The following HS6ST3 variants were observed in gnomAD, a reference collection of about 807,000 sequenced individuals.
HS6ST3 encodes heparan sulfate 6-O-sulfotransferase 3, also known as heparan-sulfate 6-O-sulfotransferase 3.
A neutral mutation model predicts 36.7 loss-of-function variants in HS6ST3; 12 were observed. The ratio of observed to expected loss-of-function variants is 0.33; its 90% CI spans 0.21 to 0.53. The LOEUF is 0.53. Among genes scored for constraint, HS6ST3 ranks in the 20% least tolerant of loss-of-function variants. The pLI is 0.95. For missense variants in HS6ST3, 584 were observed against 640.9 expected (o/e 0.91, Z 0.96); for synonymous variants, 240 against 257.5 (o/e 0.93, Z 0.65).
At chr13:96,565,406 C>T (rs547292605) in intron 1 of HS6ST3, among the ~76,000 whole-genome samples, 76 of 152,200 alleles carry the variant, frequency 5.0e-4, no homozygotes, top group African/African-American at 1.8e-3. Context: ...AAGAACAGGA[C>T]AGGTATCCCA....
At chr13:96,760,142 T>A (rs190029061) in intron 1 of HS6ST3, among the ~76,000 whole-genome samples, 2 of 152,164 alleles carry the variant, frequency 1.3e-5, no homozygotes, top group Admixed American at 1.3e-4. Flanking sequence ...AGGAAAATTC[T>A]CTATCTTCTT....
rs531859592 is a variant in HS6ST3 at position 96,837,561 on chromosome 13, G to A, written c.*4363G>A. ...AGAATATGAAATGTAAATCTTTATT[G>A]ATTTATATCCTTCCTTACCTTTTTT... On this transcript the variant is annotated 3_prime_UTR_variant, in exon 2 of 2. Transcript: ENST00000376705. 2.0e-5 allele frequency: 3 copies of A among 152,166 alleles called. No individual in the cohort carries two copies. Among genetic ancestry groups the A allele is most frequent in the Non-Finnish European group, 4.4e-5 (3 of 68,036 alleles). 9.4% of individuals were successfully genotyped at this position (152,166 alleles called of 1,614,324 possible).
chr13:96,668,567 A>C lies in HS6ST3; in HGVS notation c.708-163923A>C, dbSNP rs576805144. ...TACTGTCGCTGCTACATTCTATCCC[A>C]TTCCTGGCAAAATCTTATTGGAGAC... On this transcript the variant is annotated intron_variant, in intron 1 of 1. Coordinates refer to ENST00000376705, the MANE Select transcript of HS6ST3 (RefSeq NM_153456.4). Among the ~76,000 whole-genome samples, 19 of 151,748 alleles carry C rather than the reference A, an allele frequency of 1.3e-4. 1 individual carries two copies. The East Asian group carries it at 3.7e-3, about 30-fold the overall frequency.
chr13:96,703,491 T>C (rs1875342295), intron 1 of HS6ST3, among the ~76,000 whole-genome samples: 3 of 152,210 alleles, frequency 2.0e-5, no homozygotes, highest in Admixed American at 2.0e-4. Flanking sequence ...CGCTTGGTTT[T>C]TGTGCAGCAT....
chr13:96,507,678 T>C (rs1012880802), intron 1 of HS6ST3, among the ~76,000 whole-genome samples: 1 of 151,990 alleles, frequency 6.6e-6, no homozygotes, highest in Non-Finnish European at 1.5e-5. Flanking sequence ...AATAACATTA[T>C]TATCTCTCTA....
At position 96,091,007 on chromosome 13, in the gene HS6ST3, C is replaced by T; in HGVS notation, c.145C>T (p.Pro49Ser). 1 of 1,288,356 alleles carries T rather than the reference C, an allele frequency of 7.8e-7. No homozygotes were observed. The highest frequency in any genetic ancestry group is 3.0e-5 in the East Asian group (1 of 33,216). 79.8% of individuals were successfully genotyped at this position (1,288,356 alleles called of 1,614,324 possible). Residue 49 changes from proline to serine, a missense_variant, in exon 1 of 2, where the codon CCC (proline) becomes TCC (serine). By Grantham distance (74) the Pro-to-Ser change is moderately conservative. Around this residue, in one of 3 missense-constraint regions of HS6ST3, gnomAD observed 217 missense variants for 205.4 expected, o/e 1.06. Coordinates refer to ENST00000376705, the MANE Select transcript of HS6ST3 (RefSeq NM_153456.4). Reference sequence around the variant, plus strand: ...GCCCCGCGCGGGGGAGGCCGGCCCGCCCGCCGTCCCGGGTCCCGCCCGCCG... The same window carrying T: ...GCCCCGCGCGGGGGAGGCCGGCCCGTCCGCCGTCCCGGGTCCCGCCCGCCG... Reference protein sequence around the residue: ...EQPRAGEAGPPAVPGPARRAQ... With the variant: ...EQPRAGEAGPSAVPGPARRAQ...
At chr13:96,472,052 C>T (rs1029327281) in intron 1 of HS6ST3, among the ~76,000 whole-genome samples, 3 of 152,158 alleles carry the variant, frequency 2.0e-5, no homozygotes, top group African/African-American at 4.8e-5. Flanking sequence ...GGCCTGGGCT[C>T]AGAAGTAGCA....
intron 1 of HS6ST3, among the ~76,000 whole-genome samples, chr13:96,423,495 CTG>C (rs2055571030): frequency 6.6e-6 from 1 of 151,646 alleles, no homozygotes; most frequent in Non-Finnish European, 1.5e-5. Context: ...GTGAGGGTGA[CTG>C]TCTGATATGG....
intron 1 of HS6ST3, among the ~76,000 whole-genome samples, chr13:96,151,783 G>C (rs185838497): frequency 6.6e-6 from 1 of 152,250 alleles, no homozygotes; most frequent in Admixed American, 6.5e-5. Flanking sequence ...GCTCCTTGGT[G>C]TTCAGCTGCA....
chr13:96,640,036 G>A lies in HS6ST3; in HGVS notation c.708-192454G>A, dbSNP rs1268485757. 4.0e-5 allele frequency among the ~76,000 whole-genome samples: 6 copies of A among 151,878 alleles called. No homozygotes were observed. In the East Asian group the frequency reaches 9.7e-4, roughly 24 times the overall value. On this transcript the variant is annotated intron_variant, in intron 1 of 1. Coordinates refer to ENST00000376705, the MANE Select transcript of HS6ST3 (RefSeq NM_153456.4). ...CTGCAGTGAGCATATACATGCATGT[G>A]TCCTTTTGGTAGAATGATTTATTTT...
intron 1 of HS6ST3, among the ~76,000 whole-genome samples, chr13:96,487,653 G>A (rs569790489): frequency 7.9e-5 from 12 of 152,128 alleles, no homozygotes; most frequent in Admixed American, 3.9e-4. Context: ...GCCATGTTTG[G>A]TATCCATATG....
At chr13:96,491,680 A>C (rs1323744772) in intron 1 of HS6ST3, among the ~76,000 whole-genome samples, 1 of 152,090 alleles carries the variant, frequency 6.6e-6, no homozygotes, top group Non-Finnish European at 1.5e-5. Context: ...TTGATAAGTT[A>C]TACCTTAGCT....
intron 1 of HS6ST3, among the ~76,000 whole-genome samples, chr13:96,517,784 G>C (rs1186570474): frequency 6.6e-6 from 1 of 151,982 alleles, no homozygotes; most frequent in African/African-American, 2.4e-5. Context: ...CCCAGTGTCT[G>C]TTGTTCTCTT....
At chr13:96,205,305 T>C (rs1049150495) in intron 1 of HS6ST3, among the ~76,000 whole-genome samples, 2 of 152,056 alleles carry the variant, frequency 1.3e-5, no homozygotes, top group African/African-American at 2.4e-5. Flanking sequence ...AATAGACCAG[T>C]AACAAATTCT....
chr13:96,167,564 G>A (rs1000765323), intron 1 of HS6ST3, among the ~76,000 whole-genome samples: 13 of 152,168 alleles, frequency 8.5e-5, no homozygotes, highest in Admixed American at 7.2e-4. Flanking sequence ...ACAGATTGGA[G>A]CATTATCTGT....
chr13:96,657,327 G>A (rs2056629237), intron 1 of HS6ST3, among the ~76,000 whole-genome samples: 1 of 152,066 alleles, frequency 6.6e-6, no homozygotes, highest in Non-Finnish European at 1.5e-5. Context: ...TTAGGAGACT[G>A]CAGTGGGAAG....
At chr13:96,686,802 C>G (rs1208786559) in intron 1 of HS6ST3, among the ~76,000 whole-genome samples, 1 of 152,006 alleles carries the variant, frequency 6.6e-6, no homozygotes, top group Non-Finnish European at 1.5e-5. Flanking sequence ...GATAACAGTA[C>G]ATAACATTGG....
At chr13:96,825,355 T>G (rs538960271) in intron 1 of HS6ST3, among the ~76,000 whole-genome samples, 50 of 152,320 alleles carry the variant, frequency 3.3e-4, no homozygotes, top group Admixed American at 5.2e-4. Flanking sequence ...TAGCTCTGCC[T>G]TTTATCTACT....
intron 1 of HS6ST3, among the ~76,000 whole-genome samples, chr13:96,198,051 T>A (rs1284161454): frequency 6.6e-6 from 1 of 152,164 alleles, no homozygotes; most frequent in African/African-American, 2.4e-5. Context: ...TAGGCAGAGG[T>A]TCCCAAACCT....
Sources: allele counts gnomAD v4.1 joint callset (sites outside exome capture counted in the v4.1 genomes callset), GRCh38; gene constraint gnomAD v4.1.1; regional missense constraint gnomAD v4.1.1; transcripts MANE v1.5; gene names NCBI Gene and HGNC (gene_info 2026-07-23, HGNC 2026-07-21).